Variants in GPR180 observed in about 807,000 individuals in gnomAD.
GPR180 encodes G protein-coupled receptor 180.
GPR180 carries 53 observed loss-of-function variants against 52.6 expected under a neutral mutation model. That is an observed-to-expected ratio of 1.01 (90% CI 0.81 to 1.27). The LOEUF (loss-of-function observed/expected upper bound fraction) is 1.27, where lower values mean the gene tolerates loss of function less well. GPR180 is among the 50% of genes most tolerant of loss of function. The pLI is 0.00. For synonymous variants in GPR180, 200 were observed against 193.1 expected (o/e 1.04, Z -0.30); for missense variants, 533 against 527.0 (o/e 1.01, Z -0.11).
At chr13:94,604,232 G>A (rs1168722769) in intron 1 of GPR180, among the ~76,000 whole-genome samples, 2 of 152,136 alleles carry the variant, frequency 1.3e-5, no homozygotes, top group Non-Finnish European at 2.9e-5. Context: ...ATTTTGGGAG[G>A]GTGAGGCAGG....
chr13:94,628,927 C>G lies in GPR180; in HGVS notation c.*1756C>G, dbSNP rs1889960400. The stretch of plus-strand genomic sequence containing the variant: ...CTTGCCAAAAGGGGAAGGGAAAAAT[C>G]TTTGTGTTACTTCACTCAAAGAACA... On this transcript the variant is annotated 3_prime_UTR_variant, in exon 9 of 9. Coordinates refer to ENST00000376958, the MANE Select transcript of GPR180 (RefSeq NM_180989.6). 6.6e-6 allele frequency: 1 copy of G among 152,050 alleles called. No individual in the cohort carries two copies. Among genetic ancestry groups the G allele is most frequent in the Non-Finnish European group, 1.5e-5 (1 of 67,948 alleles). 9.4% of individuals were successfully genotyped at this position (152,050 alleles called of 1,614,324 possible).
chr13:94,617,493 T>A (rs1428535443), intron 3 of GPR180, among the ~76,000 whole-genome samples: 1 of 152,158 alleles, frequency 6.6e-6, no homozygotes, highest in Non-Finnish European at 1.5e-5. Flanking sequence ...TGTTCTTTCT[T>A]TTCCCTTCCT....
At position 94,605,531 on chromosome 13, in the gene GPR180, T is replaced by C. The variant is rs1340717178; in HGVS notation, c.286T>C (p.Ser96Pro). The C allele has an allele frequency of 1.2e-6, 2 of 1,612,822 alleles. No homozygotes were observed. Among genetic ancestry groups the C allele is most frequent in the Admixed American group, 1.7e-5 (1 of 59,748 alleles). The change falls in exon 2 of 9, where the codon TCC becomes CCC. Residue 96 changes from serine to proline, a missense_variant. Physicochemically the swap from Ser to Pro is moderately conservative, Grantham distance 74 (BLOSUM62 -1). Coordinates refer to ENST00000376958, the MANE Select transcript of GPR180 (RefSeq NM_180989.6). The stretch of plus-strand genomic sequence containing the variant: ...TGGTTATAGCTGTAGTGAAAAATTA[T>C]CCAAAGCTCAGTTGACAAGTGAGTA... ...SHGYSCSEKLSKAQLTMTMNQ... is the reference protein window; with the variant it reads ...SHGYSCSEKLPKAQLTMTMNQ...
chr13:94,611,714 G>C (rs1057260226), intron 2 of GPR180, among the ~76,000 whole-genome samples: 4 of 151,810 alleles, frequency 2.6e-5, no homozygotes, highest in African/African-American at 4.8e-5. Flanking sequence ...TGATCTACGA[G>C]ACCATGCCCT....
intron 2 of GPR180, among the ~76,000 whole-genome samples, chr13:94,611,171 A>G (rs1218171744): frequency 6.6e-6 from 1 of 152,126 alleles, no homozygotes; most frequent in African/African-American, 2.4e-5. Flanking sequence ...CCCACCCCTG[A>G]CTGTATCATA....
chr13:94,624,854 G>C (rs1889905053), intron 7 of GPR180, among the ~76,000 whole-genome samples: 1 of 147,276 alleles, frequency 6.8e-6, no homozygotes, highest in African/African-American at 2.6e-5. Context: ...TCTTTTTTAA[G>C]ATGGAGTTTC....
rs1890022403 is a variant in GPR180, at chr13:94,633,213, A to C, written c.*6042A>C. On this transcript the variant is annotated 3_prime_UTR_variant, in exon 9 of 9. Transcript: ENST00000376958. ...GTAAGGATGGTCCTGGGAATGCCCA[A>C]AGTTGCTAGTTTCTGAAGTGAGGGC... 2 of 152,150 alleles carry C rather than the reference A, an allele frequency of 1.3e-5. No individual in the cohort carries two copies. Among genetic ancestry groups the C allele is most frequent in the African/African-American group, 4.8e-5 (2 of 41,440 alleles). The allele number at this position is 152,150 out of a possible 1,614,324, so 9.4% of individuals were successfully genotyped here.
intron 3 of GPR180, among the ~76,000 whole-genome samples, chr13:94,618,419 G>GTTTTTTTTTTTTTTTTT (rs1566980109): frequency 4.1e-5 from 3 of 72,978 alleles, no homozygotes; most frequent in African/African-American, 2.4e-4. Context: ...ATCAGCACAG[G>GTTTTTTTTTTTTTTTTT]ATTTTTTTTT....
chr13:94,622,178 G>C (rs1889862288), intron 6 of GPR180, among the ~76,000 whole-genome samples: 1 of 152,118 alleles, frequency 6.6e-6, no homozygotes, highest in Non-Finnish European at 1.5e-5. Context: ...CAGGAAAGGG[G>C]ATGATGAGAA....
At chr13:94,602,148 C>A in intron 1 of GPR180, 76 bp downstream of exon 1, 2 of 1,222,368 alleles carry the variant, frequency 1.6e-6, no homozygotes, top group South Asian at 5.9e-5. Flanking sequence ...CCGCTCCTCC[C>A]GGCCCCTCCC....
At position 94,622,975 on chromosome 13, in the gene GPR180, T is replaced by G; in HGVS notation, c.895-134T>G. On this transcript the variant is annotated intron_variant, in intron 6 of 8. Coordinates refer to ENST00000376958, the MANE Select transcript of GPR180 (RefSeq NM_180989.6). ...AGAGTGATGAAAAGACTGTACTTTA[T>G]TAATTAACAACCTCTATGGTCTGAT... The G allele has an allele frequency of 6.3e-6, 4 of 636,552 alleles. No individual in the cohort carries two copies. In the South Asian group the frequency reaches 8.5e-5, roughly 13 times the overall value. The allele number at this position is 636,552 out of a possible 1,614,324, so 39.4% of individuals were successfully genotyped here.
At chr13:94,605,585 A>ATC (rs1889618699) in intron 2 of GPR180, 36 bp downstream of exon 2, 1 of 1,570,786 alleles carries the variant, frequency 6.4e-7, no homozygotes, top group Non-Finnish European at 8.7e-7. Context: ...CATTAGATAT[A>ATC]GTTTTTTTCC....
intron 1 of GPR180, among the ~76,000 whole-genome samples, chr13:94,602,909 G>A (rs938478235): frequency 5.9e-5 from 9 of 152,084 alleles, no homozygotes; most frequent in African/African-American, 2.2e-4. Context: ...ATGACATTAG[G>A]AACTTTGATT....
chr13:94,623,337 T>C (rs1272205227), intron 7 of GPR180, 37 bp downstream of exon 7: 1 of 1,490,012 alleles, frequency 6.7e-7, no homozygotes, highest in South Asian at 1.2e-5. Flanking sequence ...ATTCTGATTA[T>C]CCACTTGGTT....
Position 94,601,863 on chromosome 13 carries a change from C to G in GPR180, c.-65C>G. The G allele has an allele frequency of 2.3e-6, 3 of 1,322,408 alleles. No individual in the cohort carries two copies. The highest frequency in any genetic ancestry group is 2.9e-6 in the Non-Finnish European group (3 of 1,033,542). The allele number at this position is 1,322,408 out of a possible 1,614,324, so 81.9% of individuals were successfully genotyped here. ...CGCCCACCCCGCCTCCCCCAGCTGC[C>G]GACGTGGGGCGGGCAGCCGCCGGCG... On this transcript the variant is annotated 5_prime_UTR_variant, in exon 1 of 9. Coordinates refer to ENST00000376958, the MANE Select transcript of GPR180 (RefSeq NM_180989.6).
chr13:94,604,366 C>T (rs1459208200), intron 1 of GPR180, among the ~76,000 whole-genome samples: 1 of 151,282 alleles, frequency 6.6e-6, no homozygotes, highest in Non-Finnish European at 1.5e-5. Flanking sequence ...AAAAGACCAA[C>T]CTGGCCAACA....
rs1026793016 is a variant in GPR180 at position 94,633,275 on chromosome 13, T to G, written c.*6104T>G. On this transcript the variant is annotated 3_prime_UTR_variant, in exon 9 of 9. Transcript: ENST00000376958. ...GGACTGGGCCCTTAATCTGTGAAGT[T>G]TGGCTTAACTTCAGGCAGTTGGTGT... 1 of 152,146 alleles carries G rather than the reference T, an allele frequency of 6.6e-6. No homozygotes were observed. Among genetic ancestry groups the G allele is most frequent in the African/African-American group, 2.4e-5 (1 of 41,444 alleles). 9.4% of individuals were successfully genotyped at this position (152,146 alleles called of 1,614,324 possible). A position where few individuals can be genotyped will look rare whatever the true frequency, so the allele number is the denominator to read the frequency against.
Position 94,632,025 on chromosome 13 carries a change from A to G in GPR180, c.*4854A>G, listed in dbSNP as rs1380097049. The G allele has an allele frequency of 6.6e-6, 1 of 152,228 alleles. No homozygotes were observed. Among genetic ancestry groups the G allele is most frequent in the Non-Finnish European group, 1.5e-5 (1 of 68,052 alleles). The allele number at this position is 152,228 out of a possible 1,614,324, so 9.4% of individuals were successfully genotyped here. On this transcript the variant is annotated 3_prime_UTR_variant, in exon 9 of 9. Coordinates refer to ENST00000376958, the MANE Select transcript of GPR180 (RefSeq NM_180989.6). ...AAAGATGGGAAAACTAGAAATGACA[A>G]TAACACTCAAATTGCAGCAGCCTGG...
Position 94,631,060 on chromosome 13 carries a change from C to A in GPR180, c.*3889C>A, listed in dbSNP as rs1889988556. Reference sequence around the variant, plus strand: ...TGGCTTCTCTTGGCCTGTGGGACAACAGCCAGGCCCACAGGAACACCAGTT... The same window carrying A: ...TGGCTTCTCTTGGCCTGTGGGACAAAAGCCAGGCCCACAGGAACACCAGTT... On this transcript the variant is annotated 3_prime_UTR_variant, in exon 9 of 9. Transcript: ENST00000376958. The A allele has an allele frequency of 1.3e-5, 2 of 152,248 alleles. No homozygotes were observed. The highest frequency in any genetic ancestry group is 2.9e-5 in the Non-Finnish European group (2 of 68,066). The allele number at this position is 152,248 out of a possible 1,614,324, so 9.4% of individuals were successfully genotyped here.
Sources: allele counts gnomAD v4.1 joint callset (sites outside exome capture counted in the v4.1 genomes callset), GRCh38; gene constraint gnomAD v4.1.1; transcripts MANE v1.5; gene names NCBI Gene and HGNC (gene_info 2026-07-23, HGNC 2026-07-21).